The following PCGF5 variants were observed in gnomAD, a reference collection of about 807,000 sequenced individuals.
PCGF5 encodes the protein polycomb group RING finger protein 5.
A neutral mutation model predicts 44.3 loss-of-function variants in PCGF5; 9 were observed. The ratio of observed to expected loss-of-function variants is 0.20; its 90% CI spans 0.12 to 0.35. PCGF5 has a LOEUF of 0.35. PCGF5 is among the 10% of genes least tolerant of loss of function. The pLI is 1.00. For missense variants in PCGF5, 146 were observed against 305.3 expected (o/e 0.48, Z 3.89); for synonymous variants, 95 against 102.5 (o/e 0.93, Z 0.44).
intron 1 of PCGF5, among the ~76,000 whole-genome samples, chr10:91,167,449 A>G (rs1203779608): frequency 1.3e-5 from 2 of 152,222 alleles, no homozygotes; most frequent in African/African-American, 4.8e-5. Flanking sequence ...GAAAAAAGGT[A>G]AGACTTAATT....
chr10:91,264,593 TAGA>T (rs1181098339), intron 8 of PCGF5, 73 bp downstream of exon 8: 42 of 1,212,000 alleles, frequency 3.5e-5, no homozygotes, highest in Non-Finnish European at 4.6e-5. Context: ...TTAACAATAT[TAGA>T]AACTAAAAAA....
the PCGF5 span, among the ~76,000 whole-genome samples, chr10:91,156,645 A>G: frequency 6.6e-6 from 1 of 152,158 alleles, no homozygotes; most frequent in African/African-American, 2.4e-5. Flanking sequence ...TTATAATATT[A>G]AGGATATTAT....
At chr10:91,193,303 T>G (rs57152340) in intron 1 of PCGF5, among the ~76,000 whole-genome samples, 9,968 of 152,180 alleles carry the variant, frequency 0.066, 887 homozygotes, top group African/African-American at 0.19. Flanking sequence ...CTTGTGAGAC[T>G]AAGTAGAGGA....
intron 6 of PCGF5, among the ~76,000 whole-genome samples, chr10:91,257,154 TAA>T (rs112963059): frequency 0.037 from 5,677 of 152,064 alleles, 328 homozygotes; most frequent in African/African-American, 0.13. Context: ...AAGGCTTGAA[TAA>T]ACATTCCTCT....
chr10:91,251,101 T>C (rs938912567), intron 5 of PCGF5, among the ~76,000 whole-genome samples, 191 bp from the exon 6 acceptor site: 1 of 150,988 alleles, frequency 6.6e-6, no homozygotes, highest in Non-Finnish European at 1.5e-5. Context: ...TTTCCAATTT[T>C]TTTTTTTTTT....
At chr10:91,183,925 G>A (rs981210252) in intron 1 of PCGF5, among the ~76,000 whole-genome samples, 5 of 152,170 alleles carry the variant, frequency 3.3e-5, no homozygotes, top group African/African-American at 1.2e-4. Flanking sequence ...TCTGCTGAGA[G>A]GTCCATTATT....
At chr10:91,252,006 C>T (rs1192792241) in intron 6 of PCGF5, among the ~76,000 whole-genome samples, 3 of 151,976 alleles carry the variant, frequency 2.0e-5, no homozygotes, top group Non-Finnish European at 4.4e-5. Flanking sequence ...TCTGCCTCTG[C>T]TAATTGAATC....
At chr10:91,241,811 T>C (rs908525339) in intron 3 of PCGF5, among the ~76,000 whole-genome samples, 8 of 152,198 alleles carry the variant, frequency 5.3e-5, no homozygotes, top group African/African-American at 1.9e-4. Context: ...CTTTTGTTTT[T>C]CAAGTTTAAT....
At chr10:91,244,655 C>T (rs1226927538) in intron 3 of PCGF5, among the ~76,000 whole-genome samples, 2 of 151,990 alleles carry the variant, frequency 1.3e-5, no homozygotes, top group African/African-American at 4.8e-5. Context: ...TTGCAATGAC[C>T]CTGGTGAGCG....
rs111787725 is a variant in PCGF5, at chr10:91,230,876, A to C, written c.112+7893A>C. On this transcript the variant is annotated intron_variant, in intron 2 of 9. Coordinates refer to ENST00000336126, the MANE Select transcript of PCGF5 (RefSeq NM_032373.5). ...GGGCTCAAGTGATCAATCTGCCTTGACCTCCCAAAGTGCTGGGATTATAGG... is the reference window on the plus strand; with the variant it reads ...GGGCTCAAGTGATCAATCTGCCTTGCCCTCCCAAAGTGCTGGGATTATAGG... Among the ~76,000 whole-genome samples the C allele has an allele frequency of 7.3e-3, 1,104 of 151,132 alleles. 6 individuals carry two copies. Among genetic ancestry groups the C allele is most frequent in the Non-Finnish European group, 0.012 (790 of 67,790 alleles).
At chr10:91,233,918 A>G (rs1024410657) in intron 2 of PCGF5, among the ~76,000 whole-genome samples, 1 of 152,252 alleles carries the variant, frequency 6.6e-6, no homozygotes, top group Non-Finnish European at 1.5e-5. Flanking sequence ...GTTTTAATAA[A>G]CAGAGCATTA....
chr10:91,227,920 CAAT>C, intron 2 of PCGF5: 1 of 981,044 alleles, frequency 1.0e-6, no homozygotes, highest in Non-Finnish European at 1.2e-6. Flanking sequence ...TTAAGTGTCT[CAAT>C]AAAATCTTAA....
At chr10:91,171,219 G>A (rs535811369) in intron 1 of PCGF5, among the ~76,000 whole-genome samples, 3 of 152,326 alleles carry the variant, frequency 2.0e-5, no homozygotes, top group Admixed American at 2.0e-4. Context: ...TACAGATGTG[G>A]CATGGAGGAA....
intron 1 of PCGF5, among the ~76,000 whole-genome samples, chr10:91,212,709 T>A (rs1295678730): frequency 1.3e-5 from 2 of 152,216 alleles, no homozygotes; most frequent in African/African-American, 4.8e-5. Context: ...TTTGGGTAGG[T>A]AAGAAAATGG....
upstream of PCGF5, among the ~76,000 whole-genome samples, chr10:91,160,106 G>A (rs544166374): frequency 2.0e-5 from 3 of 152,184 alleles, no homozygotes; most frequent in South Asian, 4.1e-4. Context: ...TTCAGTCAAC[G>A]TAAACCACAT....
chr10:91,198,222 G>C (rs1844180223), intron 1 of PCGF5, among the ~76,000 whole-genome samples: 1 of 152,156 alleles, frequency 6.6e-6, no homozygotes, highest in African/African-American at 2.4e-5. Context: ...CAGTGGCCCA[G>C]AAGAGCCTGC....
At chr10:91,185,960 G>A (rs1411196093) in intron 1 of PCGF5, among the ~76,000 whole-genome samples, 10 of 151,862 alleles carry the variant, frequency 6.6e-5, no homozygotes, top group East Asian at 1.9e-4. Flanking sequence ...GTATTTACTC[G>A]CCCCTTTCAT....
chr10:91,216,030 C>T (rs1163989744), upstream of PCGF5, among the ~76,000 whole-genome samples: 1 of 152,200 alleles, frequency 6.6e-6, no homozygotes, highest in Non-Finnish European at 1.5e-5. Context: ...TTCAGTTTTT[C>T]AATAAATATT....
intron 5 of PCGF5, among the ~76,000 whole-genome samples, chr10:91,250,067 T>C (rs1356211993): frequency 6.6e-6 from 1 of 152,058 alleles, no homozygotes; most frequent in South Asian, 2.1e-4. Flanking sequence ...CTTTGTGAAT[T>C]TTATCTCCCT....
Sources: allele counts gnomAD v4.1 joint callset (sites outside exome capture counted in the v4.1 genomes callset), GRCh38; gene constraint gnomAD v4.1.1; transcripts MANE v1.5; gene names NCBI Gene and HGNC (gene_info 2026-07-23, HGNC 2026-07-21).